Variants in STAB1 observed in about 807,000 individuals in gnomAD.
STAB1 encodes the protein stabilin-1.
STAB1 carries 250 observed loss-of-function variants against 332.4 expected under a neutral mutation model. The observed-to-expected ratio is 0.75, with a 90% CI of 0.68 to 0.84. STAB1 has a LOEUF of 0.84. Ranked by LOEUF, STAB1 falls within the 40% of genes least tolerant of loss-of-function variation. The pLI, the probability that STAB1 is intolerant of heterozygous loss-of-function variation, is 0.00. For missense variants in STAB1, 3,249 were observed against 3,489.7 expected (o/e 0.93, Z 1.74); for synonymous variants, 1,475 against 1,390.4 (o/e 1.06, Z -1.35).
rs192989363 is a variant in STAB1, at chr3:52,496,989, C to T, written c.78+1498C>T. On this transcript the variant is annotated intron_variant, in intron 1 of 68. Coordinates refer to ENST00000321725, the MANE Select transcript of STAB1 (RefSeq NM_015136.3). ...ATATTCAGGAAATAAAATGGCATCT[C>T]TACTGAACATGTTCAGACTTTTTTT... Among the ~76,000 whole-genome samples the T allele has an allele frequency of 2.0e-5, 3 of 152,354 alleles. No individual in the cohort carries two copies. In the East Asian group the frequency reaches 5.8e-4, roughly 29 times the overall value.
Position 52,522,429 on chromosome 3 carries a change from C to G in STAB1, c.6565C>G (p.Pro2189Ala), listed in dbSNP as rs758012848. 1.9e-6 allele frequency: 3 copies of G among 1,613,054 alleles called. No individual in the cohort carries two copies. Among genetic ancestry groups the G allele is most frequent in the Non-Finnish European group, 2.5e-6 (3 of 1,180,036 alleles). The change falls in exon 60 of 69, where the codon CCG (proline) becomes GCG (alanine). Residue 2189 changes from proline (P) to alanine (A), a missense_variant. By Grantham distance (27) the Pro-to-Ala change is conservative. Transcript: ENST00000321725. The stretch of plus-strand genomic sequence containing the variant: ...TGTGGACCGCTGCTTGGGCCAGCCA[C>G]CGCCCTGCCACTCAGATGCCATGTG... ...PPVDRCLGQP[P>A]PCHSDAMCTD...
chr3:52,516,960 GACTCTCTGGC>G lies in STAB1; in HGVS notation c.4364-23_4364-14del, dbSNP rs1348405277. The G allele has an allele frequency of 3.1e-6, 5 of 1,610,032 alleles. No homozygotes were observed. Among genetic ancestry groups the G allele is most frequent in the African/African-American group, 1.3e-5 (1 of 74,842 alleles). ...CTCCGGCCCCGTGCCTGCTCCTGAG[GACTCTCTGGC>G]CATCTCCCCTTAGAGGTGGACCCCT... On this transcript the variant is annotated splice_polypyrimidine_tract_variant and intron_variant, in intron 41 of 68. Transcript: ENST00000321725.
At chr3:52,521,784 G>A (rs1187678643) in intron 57 of STAB1, 60 bp from the exon 58 acceptor site, 8 of 1,599,096 alleles carry the variant, frequency 5.0e-6, no homozygotes, top group Admixed American at 3.4e-5. Context: ...TGGGTGGAAC[G>A]GGCAGAGGCC....
intron 3 of STAB1, 59 bp from the exon 4 acceptor site, chr3:52,501,947 T>C: frequency 6.3e-7 from 1 of 1,598,032 alleles, no homozygotes; most frequent in East Asian, 2.2e-5. Flanking sequence ...CCAGAGCTGC[T>C]GGGGTCAGGG....
At position 52,503,908 on chromosome 3, in the gene STAB1, C is replaced by CA. The variant is rs750622221; in HGVS notation, c.1022+7dup. 36 of 1,612,966 alleles carry CA rather than the reference C, an allele frequency of 2.2e-5. No individual in the cohort carries two copies. In the African/African-American group the frequency reaches 4.4e-4, roughly 20 times the overall value. On this transcript the variant is annotated splice_region_variant and intron_variant, in intron 9 of 68. Transcript: ENST00000321725. ...ACCGCTGATGGGAAGACCAGGTGAG[C>CA]ACAGGTGCCTGGGAGCAGAGACAGT...
intron 24 of STAB1, 54 bp downstream of exon 24, chr3:52,510,289 T>C: frequency 6.2e-7 from 1 of 1,613,872 alleles, no homozygotes; most frequent in Non-Finnish European, 8.5e-7. Context: ...GGAGGTGGGA[T>C]GCCCTGGCCC....
At position 52,510,579 on chromosome 3, in the gene STAB1, G is replaced by A. The variant is rs1262052805; in HGVS notation, c.2787+72G>A. ...CTCTCCCTGCCCCATCTGACTCCTG[G>A]AATGCAGAGTCAGGTGCTCAGGGTC... On this transcript the variant is annotated intron_variant, in intron 25 of 68. Transcript: ENST00000321725. 5.2e-6 allele frequency: 8 copies of A among 1,533,922 alleles called. No individual in the cohort carries two copies. In the African/African-American group the frequency reaches 1.1e-4, roughly 21 times the overall value.
intron 1 of STAB1, among the ~76,000 whole-genome samples, chr3:52,498,449 C>T (rs929450291): frequency 1.3e-5 from 2 of 152,230 alleles, no homozygotes; most frequent in Non-Finnish European, 2.9e-5. Context: ...CAGGGCCCCT[C>T]GGCTGTGGTC....
intron 1 of STAB1, among the ~76,000 whole-genome samples, chr3:52,500,698 T>G (rs1182527971): frequency 6.6e-6 from 1 of 152,224 alleles, no homozygotes; most frequent in African/African-American, 2.4e-5. Context: ...TGTTTCTTTA[T>G]CTTTAAACAA....
rs201090380 is a variant in STAB1, at chr3:52,523,968, A to G, written c.7493A>G (p.Tyr2498Cys). Residue 2498 changes from tyrosine (Y) to cysteine (C), a missense_variant, in exon 67 of 69, where the codon TAC (tyrosine) becomes TGC (cysteine). By Grantham distance (194) the Tyr-to-Cys change is radical (BLOSUM62 -2). Coordinates refer to ENST00000321725, the MANE Select transcript of STAB1 (RefSeq NM_015136.3). ...ALLGLVAGALYLRARGKPMGF... is the reference protein window; with the variant it reads ...ALLGLVAGALCLRARGKPMGF... ...CTTGGCTTGGTGGCCGGAGCTCTCT[A>G]CCTCCGTGCCCGAGGCAAGCCCATG... is the stretch of plus-strand genomic sequence containing the variant. 6.3e-5 allele frequency: 102 copies of G among 1,611,198 alleles called. No homozygotes were observed. The highest frequency in any genetic ancestry group is 7.1e-5 in the Non-Finnish European group (84 of 1,179,866).
chr3:52,497,145 C>T (rs978073531), intron 1 of STAB1, among the ~76,000 whole-genome samples: 10 of 151,924 alleles, frequency 6.6e-5, no homozygotes, highest in African/African-American at 1.4e-4. Flanking sequence ...GGATTACAGG[C>T]GCCCGCCACC....
chr3:52,524,053 G>A, intron 67 of STAB1, 36 bp downstream of exon 67: 1 of 1,612,284 alleles, frequency 6.2e-7, no homozygotes, highest in Non-Finnish European at 8.5e-7. Context: ...GCGGGTCCTT[G>A]GATCTCGCTT....
intron 60 of STAB1, 27 bp downstream of exon 60, chr3:52,522,501 C>T (rs762206991): frequency 5.0e-6 from 8 of 1,612,962 alleles, no homozygotes; most frequent in South Asian, 1.1e-5. Flanking sequence ...ACTCCCAGTA[C>T]CCATTTCATT....
rs2079036552 is a variant in STAB1 at position 52,520,478 on chromosome 3, A to G, written c.5578A>G (p.Ile1860Val). ...LPFEGGLAYG[I>V]DQLLEPPGLG... Reference sequence around the variant, plus strand: ...CTTTGAGGGTGGCCTGGCCTATGGCATCGACCAGCTGCTGGAGCCACCTGG... The same window carrying G: ...CTTTGAGGGTGGCCTGGCCTATGGCGTCGACCAGCTGCTGGAGCCACCTGG... Residue 1860 changes from isoleucine to valine, a missense_variant, in exon 53 of 69, where the codon ATC becomes GTC. Ile to Val is a conservative substitution (Grantham distance 29). Coordinates refer to ENST00000321725, the MANE Select transcript of STAB1 (RefSeq NM_015136.3). 6.2e-7 allele frequency: 1 copy of G among 1,612,748 alleles called. No individual in the cohort carries two copies. Among genetic ancestry groups the G allele is most frequent in the Admixed American group, 1.7e-5 (1 of 60,018 alleles).
chr3:52,507,977 T>C lies in STAB1; in HGVS notation c.2099T>C (p.Leu700Pro). The part of the protein sequence containing the change: ...ECVYIHDPTG[L>P]NVLKKGCASY... The stretch of plus-strand genomic sequence containing the variant: ...GTCTACATCCATGACCCAACGGGGC[T>C]CAATGTGCTAAAGAAGGGCTGTGCC... Residue 700 changes from leucine (L) to proline (P), a missense_variant, in exon 20 of 69, where the codon CTC becomes CCC. Coordinates refer to ENST00000321725, the MANE Select transcript of STAB1 (RefSeq NM_015136.3). 6.2e-7 allele frequency: 1 copy of C among 1,613,626 alleles called. No individual in the cohort carries two copies. The highest frequency in any genetic ancestry group is 8.5e-7 in the Non-Finnish European group (1 of 1,179,978).
chr3:52,515,997 C>A (rs1045810096), intron 37 of STAB1, 46 bp from the exon 38 acceptor site: 1 of 1,531,094 alleles, frequency 6.5e-7, no homozygotes, highest in South Asian at 1.3e-5. Context: ...CCCCCTGACA[C>A]CTTGCTGGGC....
rs1019045934 is a variant in STAB1, at chr3:52,521,706, T to C, written c.6163+6T>C. The C allele has an allele frequency of 1.9e-6, 3 of 1,612,376 alleles. No homozygotes were observed. The highest frequency in any genetic ancestry group is 2.2e-5 in the South Asian group (2 of 90,948). Reference sequence around the variant, plus strand: ...ACGCTGTGAGGTGCAACTGGGTGAGTAGCCCCGTGCTCGTGCCCACCCTAC... The same window carrying C: ...ACGCTGTGAGGTGCAACTGGGTGAGCAGCCCCGTGCTCGTGCCCACCCTAC... On this transcript the variant is annotated splice_donor_region_variant and intron_variant, in intron 57 of 68. Coordinates refer to ENST00000321725, the MANE Select transcript of STAB1 (RefSeq NM_015136.3).
intron 18 of STAB1, 46 bp from the exon 19 acceptor site, chr3:52,507,567 A>G (rs1708967844): frequency 2.5e-6 from 4 of 1,583,688 alleles, no homozygotes; most frequent in Non-Finnish European, 3.4e-6. Context: ...CCGAGTAAAT[A>G]AACAATGACT....
rs773240283 is a variant in STAB1 at position 52,501,124 on chromosome 3, G to A, written c.79-42G>A. 5.9e-5 allele frequency: 94 copies of A among 1,599,200 alleles called. No homozygotes were observed. In the South Asian group the frequency reaches 6.6e-4, roughly 11 times the overall value. On this transcript the variant is annotated intron_variant, in intron 1 of 68. Transcript: ENST00000321725. ...ACTGAGGACAGGGTCAGGACTGGGCGTGGGGTCCAGGCCCCTGACCACACC... is the reference window on the plus strand; with the variant it reads ...ACTGAGGACAGGGTCAGGACTGGGCATGGGGTCCAGGCCCCTGACCACACC...
Sources: allele counts gnomAD v4.1 joint callset (sites outside exome capture counted in the v4.1 genomes callset), GRCh38; gene constraint gnomAD v4.1.1; transcripts MANE v1.5; gene names NCBI Gene and HGNC (gene_info 2026-07-23, HGNC 2026-07-21).